Variants in ATP2B2 observed in about 807,000 individuals in gnomAD.
ATP2B2 encodes the protein ATPase plasma membrane Ca2+ transporting 2, also known as plasma membrane calcium-transporting ATPase 2.
Under a neutral mutation model 120.0 loss-of-function variants are expected in ATP2B2, and 15 were observed. That is an observed-to-expected ratio of 0.12 (90% CI 0.08 to 0.19). ATP2B2 has a LOEUF of 0.19. Among genes scored for constraint, ATP2B2 ranks in the 10% least tolerant of loss-of-function variants. ATP2B2 has a pLI of 1.00. For missense variants in ATP2B2, 1,045 were observed against 1,719.8 expected, an observed-to-expected ratio of 0.61 and a Z score of 6.94; for synonymous variants, 694 against 700.3, an observed-to-expected ratio of 0.99 and a Z score of 0.14.
At chr3:10,419,782 C>T (rs756950256) in intron 2 of ATP2B2, among the ~76,000 whole-genome samples, 7 of 152,234 alleles carry the variant, frequency 4.6e-5, no homozygotes, top group Non-Finnish European at 5.9e-5. Context: ...CAGAGCTCAG[C>T]GGCCACCCTG....
At chr3:10,379,043 C>A (rs2061456859) in intron 9 of ATP2B2, among the ~76,000 whole-genome samples, 200 bp downstream of exon 9, 1 of 152,198 alleles carries the variant, frequency 6.6e-6, no homozygotes, top group East Asian at 1.9e-4. Flanking sequence ...CCATGGGTAT[C>A]CCCCTCCTCA....
chr3:10,577,673 T>C (rs1007884486), intron 2 of ATP2B2, among the ~76,000 whole-genome samples: 20 of 152,324 alleles, frequency 1.3e-4, no homozygotes, highest in Non-Finnish European at 2.8e-4. Flanking sequence ...ACAATGTAGA[T>C]GGTGTCCTGC....
At chr3:10,470,189 G>A (rs975002524) in intron 1 of ATP2B2, among the ~76,000 whole-genome samples, 10 of 152,214 alleles carry the variant, frequency 6.6e-5, no homozygotes, top group African/African-American at 1.9e-4. Context: ...ATAGCAGTTC[G>A]GAAAGTGACA....
At chr3:10,548,936 C>T (rs148651285) in intron 2 of ATP2B2, among the ~76,000 whole-genome samples, 9 of 152,322 alleles carry the variant, frequency 5.9e-5, no homozygotes, top group Admixed American at 5.9e-4. Flanking sequence ...GAAGATGGAA[C>T]TAAGAGTGAG....
chr3:10,703,652 T>C (rs1400485641), intron 1 of ATP2B2, among the ~76,000 whole-genome samples: 2 of 152,190 alleles, frequency 1.3e-5, no homozygotes, highest in African/African-American at 4.8e-5. Flanking sequence ...TATGGAAATC[T>C]CTTCGAGTCT....
At chr3:10,530,826 C>T (rs2067195623) in intron 3 of ATP2B2, among the ~76,000 whole-genome samples, 1 of 152,218 alleles carries the variant, frequency 6.6e-6, no homozygotes, top group East Asian at 1.9e-4. Context: ...TTGATTACAA[C>T]TGCCTAATAC....
intron 1 of ATP2B2, among the ~76,000 whole-genome samples, chr3:10,625,704 C>T (rs1437187597): frequency 1.3e-5 from 2 of 152,080 alleles, no homozygotes; most frequent in Non-Finnish European, 2.9e-5. Context: ...GGGAGTGGTG[C>T]CCCCACACTC....
chr3:10,516,367 G>T (rs570391452), intron 3 of ATP2B2, among the ~76,000 whole-genome samples: 149 of 152,332 alleles, frequency 9.8e-4, no homozygotes, highest in African/African-American at 3.5e-3. Context: ...GGCAGTGCCG[G>T]ACGAGGTGAC....
intron 1 of ATP2B2, among the ~76,000 whole-genome samples, chr3:10,498,120 A>G (rs2066229712): frequency 6.6e-6 from 1 of 152,262 alleles, no homozygotes; most frequent in Non-Finnish European, 1.5e-5. Flanking sequence ...CAGAAATGTC[A>G]AAATGTATAT....
Position 10,347,897 on chromosome 3 carries a change from G to A in ATP2B2, c.2405-1760C>T, listed in dbSNP as rs534649083. ...ATGGTCACATTTCTGTTCTGTCCCC[G>A]CAGACCTCTCAGCAACTATTTCCAC... On this transcript the variant is annotated intron_variant, in intron 16 of 22. Coordinates refer to ENST00000360273, the MANE Select transcript of ATP2B2 (RefSeq NM_001001331.4). The surrounding 1 kb of genome is among the most constrained non-coding windows in gnomAD (Gnocchi z 5.2). Among the ~76,000 whole-genome samples, 4 of 152,208 alleles carry A rather than the reference G, an allele frequency of 2.6e-5. No homozygotes were observed. The highest frequency in any genetic ancestry group is 7.2e-5 in the African/African-American group (3 of 41,518).
chr3:10,653,330 C>T (rs1189518825), intron 1 of ATP2B2, among the ~76,000 whole-genome samples: 1 of 152,016 alleles, frequency 6.6e-6, no homozygotes, highest in Non-Finnish European at 1.5e-5. Flanking sequence ...ACATTGTTTC[C>T]AAGACTTCAA....
chr3:10,525,263 C>A (rs765493368), intron 3 of ATP2B2, among the ~76,000 whole-genome samples: 4 of 152,224 alleles, frequency 2.6e-5, no homozygotes, highest in Non-Finnish European at 4.4e-5. Context: ...ACCGACCAGC[C>A]TTTTGGTTGT....
chr3:10,555,815 T>C (rs2067765938), intron 2 of ATP2B2, among the ~76,000 whole-genome samples: 1 of 152,328 alleles, frequency 6.6e-6, no homozygotes, highest in East Asian at 1.9e-4. Context: ...TCATCCCAGA[T>C]GCCTGCATAG....
intron 1 of ATP2B2, among the ~76,000 whole-genome samples, chr3:10,505,128 T>G (rs2066567891): frequency 6.6e-6 from 1 of 152,062 alleles, no homozygotes; most frequent in African/African-American, 2.4e-5. Flanking sequence ...TAGGGGGCAT[T>G]TGCAGTCCAG....
chr3:10,517,971 G>A (rs2066909194), intron 3 of ATP2B2, among the ~76,000 whole-genome samples: 1 of 152,112 alleles, frequency 6.6e-6, no homozygotes, highest in African/African-American at 2.4e-5. Context: ...GCAGGTTGCA[G>A]GGAGGAGCAC....
At chr3:10,374,354 A>C (rs2061325825) in intron 11 of ATP2B2, among the ~76,000 whole-genome samples, 1 of 152,198 alleles carries the variant, frequency 6.6e-6, no homozygotes. Flanking sequence ...GGAAGACGAT[A>C]AGGGCCGTAT....
chr3:10,446,178 C>A (rs965658514), intron 2 of ATP2B2, among the ~76,000 whole-genome samples: 1 of 152,180 alleles, frequency 6.6e-6, no homozygotes, highest in Admixed American at 6.5e-5. Context: ...GCATAACAGC[C>A]TTGTACAAAG....
chr3:10,590,390 G>A (rs1052723877), intron 2 of ATP2B2, among the ~76,000 whole-genome samples: 10 of 152,180 alleles, frequency 6.6e-5, no homozygotes, highest in African/African-American at 9.7e-5. Flanking sequence ...AGACCTGTAC[G>A]CTAAAAGTAT....
At position 10,331,590 on chromosome 3, in the gene ATP2B2, C is replaced by T. The variant is rs192257819; in HGVS notation, c.3421-2465G>A. Among the ~76,000 whole-genome samples, 611 of 151,820 alleles carry T rather than the reference C, an allele frequency of 4.0e-3. 1 individual carries two copies. The highest frequency in any genetic ancestry group is 0.017 in the Middle Eastern group (5 of 294). On this transcript the variant is annotated intron_variant, in intron 22 of 22. Coordinates refer to ENST00000360273, the MANE Select transcript of ATP2B2 (RefSeq NM_001001331.4). ...ACTGTGGGGACGAGACTTTTTGGGA[C>T]ACCCCGCCACGGCCATCTCAAGTCT...
Sources: allele counts gnomAD v4.1 joint callset (sites outside exome capture counted in the v4.1 genomes callset), GRCh38; gene constraint gnomAD v4.1.1; non-coding constraint Gnocchi (gnomAD v3.1); transcripts MANE v1.5; gene names NCBI Gene and HGNC (gene_info 2026-07-23, HGNC 2026-07-21).